The following MYADM variants were observed in gnomAD, a reference collection of about 807,000 sequenced individuals.
MYADM encodes the protein myeloid associated differentiation marker, also known as myeloid-associated differentiation marker.
For synonymous variants in MYADM, 224 were observed against 210.2 expected (o/e 1.07, Z -0.57); for missense variants, 416 against 443.4 (o/e 0.94, Z 0.56).
chr19:53,871,518 G>A (rs1328898988), intron 2 of MYADM, among the ~76,000 whole-genome samples: 2 of 152,176 alleles, frequency 1.3e-5, no homozygotes, highest in East Asian at 3.9e-4. Context: ...TGGGGGGTAG[G>A]GAGAGGAGGA....
chr19:53,874,531 A>C lies in MYADM; in HGVS notation c.*33A>C, dbSNP rs575741725. ...CCAAGAGGCTCCCGTTCCCTCTCCA[A>C]CCTCTTTGTTCTTCTTGCCCGAGTT... On this transcript the variant is annotated 3_prime_UTR_variant, in exon 3 of 3. Transcript: ENST00000391770. 5.2e-6 allele frequency: 8 copies of C among 1,524,202 alleles called. No homozygotes were observed. The highest frequency in any genetic ancestry group is 1.4e-5 in the African/African-American group (1 of 70,870). The allele number at this position is 1,524,202 out of a possible 1,614,324, so 94.4% of individuals were successfully genotyped here. A position where few individuals can be genotyped will look rare whatever the true frequency, so the allele number is the denominator to read the frequency against.
At chr19:53,872,162 G>A (rs1211115971) in intron 2 of MYADM, among the ~76,000 whole-genome samples, 1 of 152,042 alleles carries the variant, frequency 6.6e-6, no homozygotes, top group African/African-American at 2.4e-5. Context: ...GCTTCCGAAA[G>A]TGCTGGGATT....
rs758414883 is a variant in MYADM at position 53,873,889 on chromosome 19, C to G, written c.360C>G (p.Tyr120Ter). 6.2e-7 allele frequency: 1 copy of G among 1,613,166 alleles called. No homozygotes were observed. The highest frequency in any genetic ancestry group is 8.5e-7 in the Non-Finnish European group (1 of 1,180,038). Residue 120 changes from tyrosine (Y) to a stop codon, truncating the protein, a stop_gained, in exon 3 of 3, where the codon TAC becomes TAG. Transcript: ENST00000391770. LOFTEE classifies it low-confidence loss of function (END_TRUNC). This position sits in a 1 kb window ranked among gnomAD's most constrained non-coding sequence, Gnocchi z 4.3. Reference protein sequence around the residue: ...ALFCLSASIIYPTTYVQFLSH... With the variant: ...ALFCLSASII ...TCTGCCTCTCGGCCTCCATCATCTA[C>G]CCCACCACCTATGTCCAGTTCCTGT... is the stretch of plus-strand genomic sequence containing the variant.
upstream of MYADM, among the ~76,000 whole-genome samples, chr19:53,867,327 GC>G (rs551562031): frequency 4.5e-3 from 678 of 152,122 alleles, 3 homozygotes; most frequent in South Asian, 0.029. Context: ...AGAGATCCTA[GC>G]CCCCCCATTG....
upstream of MYADM, among the ~76,000 whole-genome samples, chr19:53,866,864 ATGTTGCCCAGGC>A (rs1243488647): frequency 3.5e-4 from 54 of 152,236 alleles, no homozygotes; most frequent in East Asian, 3.5e-3. The surrounding 1 kb of genome is among the most constrained non-coding windows in gnomAD (Gnocchi z 4.3). Flanking sequence ...GAGTCTCCTT[ATGTTGCCCAGGC>A]TGGTCTCGAA....
At chr19:53,867,798 C>T (rs1325376038), upstream of MYADM, 3 of 152,924 alleles carry the variant, frequency 2.0e-5, no homozygotes, top group Admixed American at 2.0e-4. Flanking sequence ...CTGTCCACCG[C>T]CCTAGCCGGA....
In MYADM at chr19:53,873,608, G is replaced by C; in HGVS notation, c.79G>C (p.Gly27Arg). Residue 27 changes from glycine to arginine, a missense_variant, in exon 3 of 3, where the codon GGG becomes CGG. Physicochemically the swap from Gly to Arg is moderately radical, Grantham distance 125. Coordinates refer to ENST00000391770, the MANE Select transcript of MYADM (RefSeq NM_138373.5). This position sits in a 1 kb window ranked among gnomAD's most constrained non-coding sequence, Gnocchi z 4.3. ...GGGCCTGGGGTCCCCCATGATCGTGGGGTCCCCTCGGGCCCTGACACAGCC... is the reference window on the plus strand; with the variant it reads ...GGGCCTGGGGTCCCCCATGATCGTGCGGTCCCCTCGGGCCCTGACACAGCC... Reference protein sequence around the residue: ...SSGLGSPMIVGSPRALTQPLG... With the variant: ...SSGLGSPMIVRSPRALTQPLG... 1 of 1,614,020 alleles carries C rather than the reference G, an allele frequency of 6.2e-7. No individual in the cohort carries two copies. The highest frequency in any genetic ancestry group is 8.5e-7 in the Non-Finnish European group (1 of 1,179,940).
Position 53,874,405 on chromosome 19 carries a change from C to G in MYADM, c.876C>G (p.Arg292=). The change falls in exon 3 of 3, where the codon CGC becomes CGG. Residue 292 remains arginine (R), a synonymous_variant. Transcript: ENST00000391770. ...SHAYYVCAWD[R]RLAVAILTAI... ...CCTACTACGTGTGTGCCTGGGACCG[C>G]CGACTGGCTGTGGCCATCCTGACGG... 4.3e-6 allele frequency: 7 copies of G among 1,614,226 alleles called. No individual in the cohort carries two copies. The highest frequency in any genetic ancestry group is 2.2e-5 in the East Asian group (1 of 44,884).
chr19:53,874,447 G>T lies in MYADM; in HGVS notation c.918G>T (p.Ala306=). ...VAILTAINLL[A]YVADLVHSAH... is the part of the protein sequence containing the mutation. ...TCCTGACGGCCATCAACCTACTGGCGTATGTGGCTGACCTGGTGCACTCTG... is the reference window on the plus strand; with the variant it reads ...TCCTGACGGCCATCAACCTACTGGCTTATGTGGCTGACCTGGTGCACTCTG... The change falls in exon 3 of 3, where the codon GCG becomes GCT. Residue 306 remains alanine (A), a synonymous_variant. Transcript: ENST00000391770. 5 of 1,613,756 alleles carry T rather than the reference G, an allele frequency of 3.1e-6. No individual in the cohort carries two copies. The highest frequency in any genetic ancestry group is 4.2e-6 in the Non-Finnish European group (5 of 1,179,740).
At position 53,873,697 on chromosome 19, in the gene MYADM, C is replaced by T. The variant is rs756883060; in HGVS notation, c.168C>T (p.Ser56=). 3 of 1,613,942 alleles carry T rather than the reference C, an allele frequency of 1.9e-6. No individual in the cohort carries two copies. The highest frequency in any genetic ancestry group is 1.3e-5 in the African/African-American group (1 of 74,936). The change falls in exon 3 of 3, where the codon AGC becomes AGT. Residue 56 remains serine (S), a synonymous_variant. Coordinates refer to ENST00000391770, the MANE Select transcript of MYADM (RefSeq NM_138373.5). The surrounding 1 kb of genome is among the most constrained non-coding windows in gnomAD (Gnocchi z 4.3). ...GCGTGGCCTTCTCGCTGGTGGCTAG[C>T]GTGGGCGCCTGGACGGGGTCCATGG... The part of the protein sequence containing the change: ...STCVAFSLVA[S]VGAWTGSMGN...
chr19:53,873,746 T>C lies in MYADM; in HGVS notation c.217T>C (p.Cys73Arg). ...SMGNWSMFTW[C>R]FCFSVTLIIL... ...GGGCAACTGGTCCATGTTCACCTGGTGCTTCTGCTTCTCCGTGACCCTGAT... is the reference window on the plus strand; with the variant it reads ...GGGCAACTGGTCCATGTTCACCTGGCGCTTCTGCTTCTCCGTGACCCTGAT... The change falls in exon 3 of 3, where the codon TGC becomes CGC. Residue 73 changes from cysteine (C) to arginine (R), a missense_variant. Cys to Arg is a radical substitution (Grantham distance 180). Coordinates refer to ENST00000391770, the MANE Select transcript of MYADM (RefSeq NM_138373.5). This position sits in a 1 kb window ranked among gnomAD's most constrained non-coding sequence, Gnocchi z 4.3. 1.2e-6 allele frequency: 2 copies of C among 1,614,060 alleles called. No homozygotes were observed.
At chr19:53,867,526 G>T (rs892978347), upstream of MYADM, among the ~76,000 whole-genome samples, 26 of 152,136 alleles carry the variant, frequency 1.7e-4, no homozygotes, top group Admixed American at 1.7e-3. Flanking sequence ...CTAAACATGC[G>T]GGGTTTCTAT....
chr19:53,865,794 T>C (rs969322856), upstream of MYADM: 4 of 151,986 alleles, frequency 2.6e-5, no homozygotes, highest in African/African-American at 7.3e-5. Flanking sequence ...CACTATGGGG[T>C]TAGGCAGTGA....
chr19:53,866,606 C>T (rs528484920), upstream of MYADM, among the ~76,000 whole-genome samples: 157 of 152,326 alleles, frequency 1.0e-3, no homozygotes, highest in Non-Finnish European at 1.7e-3. This position sits in a 1 kb window ranked among gnomAD's most constrained non-coding sequence, Gnocchi z 4.3. Context: ...GCTTCGGGCC[C>T]ACCAGCCCCT....
chr19:53,872,503 A>AT (rs199669500), intron 2 of MYADM, among the ~76,000 whole-genome samples: 1,750 of 150,916 alleles, frequency 0.012, 17 homozygotes, highest in South Asian at 0.035. Flanking sequence ...CCTATTTGTA[A>AT]TTAAAAAAAA....
At chr19:53,865,792 G>C (rs1410763293), upstream of MYADM, 1 of 152,216 alleles carries the variant, frequency 6.6e-6, no homozygotes, top group Admixed American at 6.5e-5. Context: ...GTCACTATGG[G>C]GTTAGGCAGT....
Position 53,868,730 on chromosome 19 carries a change from C to A in MYADM, c.-88+787C>A, listed in dbSNP as rs991376647. ...AGGGGCTGGGTGTGGCCCGGAGAGT[C>A]GGGTGCGCTGCGAGGAATCCCGGAG... is the stretch of plus-strand genomic sequence containing the variant. On this transcript the variant is annotated intron_variant, in intron 1 of 2. Transcript: ENST00000391770. This position sits in a 1 kb window ranked among gnomAD's most constrained non-coding sequence, Gnocchi z 6.3. 6.6e-6 allele frequency among the ~76,000 whole-genome samples: 1 copy of A among 152,092 alleles called. No individual in the cohort carries two copies. Among genetic ancestry groups the A allele is most frequent in the Non-Finnish European group, 1.5e-5 (1 of 67,996 alleles).
At chr19:53,870,096 G>A (rs1444926518) in intron 2 of MYADM, among the ~76,000 whole-genome samples, 1 of 95,378 alleles carries the variant, frequency 1.0e-5, no homozygotes, top group Non-Finnish European at 2.0e-5. Context: ...TGGACTCCTG[G>A]GTCCGAGGAA....
In MYADM at chr19:53,873,035, G is replaced by A. The variant is rs372757065; in HGVS notation, c.-2-493G>A. Reference sequence around the variant, plus strand: ...GTAGGGGAGGAGTGAGCCTTGAACCGGAGGGGACAGGCTCATCCCTGTATG... The same window carrying A: ...GTAGGGGAGGAGTGAGCCTTGAACCAGAGGGGACAGGCTCATCCCTGTATG... On this transcript the variant is annotated intron_variant, in intron 2 of 2. Transcript: ENST00000391770. This position sits in a 1 kb window ranked among gnomAD's most constrained non-coding sequence, Gnocchi z 4.3. 5.1e-4 allele frequency among the ~76,000 whole-genome samples: 78 copies of A among 152,268 alleles called. No homozygotes were observed. Among genetic ancestry groups the A allele is most frequent in the African/African-American group, 1.7e-3 (70 of 41,550 alleles).
Sources: allele counts gnomAD v4.1 joint callset (sites outside exome capture counted in the v4.1 genomes callset), GRCh38; gene constraint gnomAD v4.1.1; non-coding constraint Gnocchi (gnomAD v3.1); transcripts MANE v1.5; gene names NCBI Gene and HGNC (gene_info 2026-07-23, HGNC 2026-07-21).